The following MET variants were observed in gnomAD, a reference collection of about 807,000 sequenced individuals.
MET encodes the protein hepatocyte growth factor receptor.
In MET, 48 loss-of-function variants were observed where a neutral mutation model predicts 133.1. The observed-to-expected ratio is 0.36, with a 90% CI of 0.29 to 0.46. The LOEUF (loss-of-function observed/expected upper bound fraction) is 0.46, where lower values mean the gene tolerates loss of function less well. Ranked by LOEUF, MET falls within the 20% of genes least tolerant of loss-of-function variation. The pLI, the probability that MET is intolerant of heterozygous loss-of-function variation, is 1.00. For missense variants in MET, 1,442 were observed against 1,695.9 expected (o/e 0.85, Z 2.63); for synonymous variants, 628 against 616.5 (o/e 1.02, Z -0.28).
At chr7:116,732,388 A>T (rs80278428) in intron 3 of MET, among the ~76,000 whole-genome samples, 2,621 of 152,346 alleles carry the variant, frequency 0.017, 84 homozygotes, top group African/African-American at 0.06. Context: ...ATACAAAAAA[A>T]ATCCAGATTT....
intron 11 of MET, among the ~76,000 whole-genome samples, chr7:116,766,388 A>C (rs910737487): frequency 1.3e-5 from 2 of 152,210 alleles, no homozygotes; most frequent in Non-Finnish European, 2.9e-5. Flanking sequence ...TGACACTGTC[A>C]TCACAGGAAC....
chr7:116,790,161 T>C (rs984662707), intron 19 of MET, among the ~76,000 whole-genome samples: 1 of 152,220 alleles, frequency 6.6e-6, no homozygotes, highest in Non-Finnish European at 1.5e-5. Context: ...CATACAACCA[T>C]TTTTAAATAC....
chr7:116,783,349 C>T lies in MET; in HGVS notation c.3678C>T (p.Ala1226=), dbSNP rs1584965488. ...FTVKVADFGL[A]RDMYDKEYYS... ...TCAAGGTTGCTGATTTTGGTCTTGCCAGAGACATGTATGATAAAGAATACT... is the reference window on the plus strand; with the variant it reads ...TCAAGGTTGCTGATTTTGGTCTTGCTAGAGACATGTATGATAAAGAATACT... The change falls in exon 19 of 21, where the codon GCC becomes GCT. Residue 1226 remains alanine, a synonymous_variant. Transcript: ENST00000397752. 1 of 1,614,002 alleles carries T rather than the reference C, an allele frequency of 6.2e-7. No homozygotes were observed.
intron 5 of MET, among the ~76,000 whole-genome samples, chr7:116,750,113 C>T (rs532817576): frequency 6.6e-5 from 10 of 152,262 alleles, no homozygotes; most frequent in East Asian, 5.8e-4. Flanking sequence ...AAAAAGAGCC[C>T]GCATAGCCAA....
chr7:116,711,388 T>C lies in MET; in HGVS notation c.1200+11104T>C, dbSNP rs181138331. On this transcript the variant is annotated intron_variant, in intron 2 of 20. Transcript: ENST00000397752. ...AGAGTTTCTTAAGCACTCTATCCAG[T>C]TGCTGGTTTGGTGACAACTAACAAT... Among the ~76,000 whole-genome samples the C allele has an allele frequency of 1.7e-3, 258 of 152,318 alleles. 2 individuals are homozygous for C. Among genetic ancestry groups the C allele is most frequent in the African/African-American group, 5.9e-3 (246 of 41,570 alleles).
Position 116,733,015 on chromosome 7 carries a change from G to T in MET, c.1392+1156G>T, listed in dbSNP as rs577165620. Among the ~76,000 whole-genome samples the T allele has an allele frequency of 3.3e-5, 5 of 151,858 alleles. No individual in the cohort carries two copies. The East Asian group carries it at 5.8e-4, about 18-fold the overall frequency. On this transcript the variant is annotated intron_variant, in intron 3 of 20. Coordinates refer to ENST00000397752, the MANE Select transcript of MET (RefSeq NM_000245.4). ...CTTCTATTGCTTCACATTGAACTACGCCTTTTCTCCCCCTTTCCTCTGTCC... is the reference window on the plus strand; with the variant it reads ...CTTCTATTGCTTCACATTGAACTACTCCTTTTCTCCCCCTTTCCTCTGTCC...
At chr7:116,747,302 A>G (rs2116870348) in intron 5 of MET, among the ~76,000 whole-genome samples, 1 of 152,320 alleles carries the variant, frequency 6.6e-6, no homozygotes, top group African/African-American at 2.4e-5. Flanking sequence ...TAAATAGGCT[A>G]AATGCCCCAA....
At chr7:116,754,891 GAGAGAAAGAAAGAA>G (rs1794070337) in intron 5 of MET, among the ~76,000 whole-genome samples, 1 of 117,534 alleles carries the variant, frequency 8.5e-6, no homozygotes, top group Non-Finnish European at 1.8e-5. Context: ...GAGAGAGAAA[GAGAGAAAGAAAGAA>G]AGAAAGAAAG....
intron 3 of MET, among the ~76,000 whole-genome samples, chr7:116,736,920 C>G (rs1277723870): frequency 1.3e-5 from 2 of 152,082 alleles, no homozygotes; most frequent in African/African-American, 4.8e-5. Flanking sequence ...CCATGACAAC[C>G]AAAAGGAACT....
At chr7:116,743,944 G>A (rs112644632) in intron 5 of MET, among the ~76,000 whole-genome samples, 11,046 of 152,214 alleles carry the variant, frequency 0.073, 645 homozygotes, top group African/African-American at 0.15. Context: ...CAGCAGTGAG[G>A]CCTGACTGTT....
At chr7:116,727,184 T>A (rs993770244) in intron 2 of MET, among the ~76,000 whole-genome samples, 1 of 152,204 alleles carries the variant, frequency 6.6e-6, no homozygotes, top group Non-Finnish European at 1.5e-5. Flanking sequence ...GGGACTTAAA[T>A]GAGATGATCT....
In MET at chr7:116,709,535, C is replaced by G. The variant is rs183224935; in HGVS notation, c.1200+9251C>G. The stretch of plus-strand genomic sequence containing the variant: ...TGTGAGGCATCAAAAGAAATATTCA[C>G]CTTTCTTTGTGTTCATTTTTTTTAT... On this transcript the variant is annotated intron_variant, in intron 2 of 20. Transcript: ENST00000397752. Among the ~76,000 whole-genome samples the G allele has an allele frequency of 3.4e-3, 511 of 152,170 alleles. 2 individuals are homozygous for G. The highest frequency in any genetic ancestry group is 6.8e-3 in the Middle Eastern group (2 of 294).
intron 2 of MET, among the ~76,000 whole-genome samples, chr7:116,713,471 G>A (rs1397454094): frequency 6.6e-6 from 1 of 151,988 alleles, no homozygotes; most frequent in Non-Finnish European, 1.5e-5. Context: ...CCACAGGATC[G>A]TAATCCCAGT....
intron 1 of MET, among the ~76,000 whole-genome samples, chr7:116,686,247 CA>C (rs1467947805): frequency 1.3e-5 from 2 of 152,222 alleles, no homozygotes; most frequent in Non-Finnish European, 2.9e-5. Context: ...AGCTCCCGGT[CA>C]ACAAAGTCCA....
intron 19 of MET, among the ~76,000 whole-genome samples, chr7:116,789,732 C>T (rs1795426194): frequency 6.6e-6 from 1 of 152,164 alleles, no homozygotes; most frequent in African/African-American, 2.4e-5. Flanking sequence ...GTTGTCGTAT[C>T]AGTAGTAGTA....
intron 12 of MET, 66 bp from the exon 13 acceptor site, chr7:116,771,432 A>G (rs1794826779): frequency 2.5e-6 from 4 of 1,599,210 alleles, no homozygotes; most frequent in African/African-American, 1.3e-5. Context: ...CCAAAGTGCT[A>G]CAACCTGTGT....
At chr7:116,718,175 T>G (rs1260124092) in intron 2 of MET, among the ~76,000 whole-genome samples, 2 of 152,088 alleles carry the variant, frequency 1.3e-5, no homozygotes, top group African/African-American at 4.8e-5. Flanking sequence ...GATCACAAGG[T>G]CAGGGGTTCA....
intron 1 of MET, among the ~76,000 whole-genome samples, chr7:116,680,224 C>G (rs1442787118): frequency 6.6e-6 from 1 of 152,312 alleles, no homozygotes; most frequent in East Asian, 1.9e-4. Context: ...TCAGCACTGA[C>G]TTATTTATAC....
rs2116592694 is a variant in MET at position 116,699,673 on chromosome 7, G to A, written c.589G>A (p.Val197Ile). The A allele has an allele frequency of 6.2e-7, 1 of 1,614,010 alleles. No individual in the cohort carries two copies. Among genetic ancestry groups the A allele is most frequent in the Non-Finnish European group, 8.5e-7 (1 of 1,179,962 alleles). The change falls in exon 2 of 21, where the codon GTA becomes ATA. Residue 197 changes from valine to isoleucine, a missense_variant. By Grantham distance (29) the Val-to-Ile change is conservative. Coordinates refer to ENST00000397752, the MANE Select transcript of MET (RefSeq NM_000245.4). ...SVKDRFINFF[V>I]GNTINSSYFP... Reference sequence around the variant, plus strand: ...AAAGGACCGGTTCATCAACTTCTTTGTAGGCAATACCATAAATTCTTCTTA... The same window carrying A: ...AAAGGACCGGTTCATCAACTTCTTTATAGGCAATACCATAAATTCTTCTTA...
Sources: gnomAD v4.1 joint callset for allele counts (sites outside exome capture counted in the v4.1 genomes callset) on GRCh38, gnomAD v4.1.1 for gene constraint, MANE v1.5 for transcripts, NCBI Gene and HGNC (gene_info 2026-07-23, HGNC 2026-07-21) for gene names.